SHCBP1L: variants seen among roughly 807,000 people sequenced by gnomAD.
SHCBP1L encodes testicular spindle-associated protein SHCBP1L.
In SHCBP1L, 67 loss-of-function variants were observed where a neutral mutation model predicts 62.5. That is an observed-to-expected ratio of 1.07 (90% CI 0.88 to 1.31). The LOEUF is 1.31. Ranked by LOEUF, SHCBP1L falls within the 40% of genes most tolerant of loss-of-function variation. The probability of loss-of-function intolerance (pLI) is 0.00; values close to 1 mark genes in which losing one functional copy is unlikely to be tolerated. For missense variants in SHCBP1L, 823 were observed against 809.8 expected (o/e 1.02, Z -0.20); for synonymous variants, 284 against 289.4 (o/e 0.98, Z 0.19).
chr1:182,925,170 T>C (rs999079995), intron 6 of SHCBP1L, among the ~76,000 whole-genome samples: 21 of 151,706 alleles, frequency 1.4e-4, no homozygotes, highest in African/African-American at 4.6e-4. Flanking sequence ...TTAACAGCAA[T>C]GACAGTGATC....
intron 6 of SHCBP1L, among the ~76,000 whole-genome samples, chr1:182,907,739 C>T (rs1408823654): frequency 2.6e-5 from 4 of 151,852 alleles, no homozygotes; most frequent in African/African-American, 7.2e-5. Context: ...CCACTGCACC[C>T]GGCTAATTTT....
At chr1:182,904,533 GC>G in intron 7 of SHCBP1L, 103 bp from the exon 8 acceptor site, 1 of 1,035,042 alleles carries the variant, frequency 9.7e-7, no homozygotes, top group Non-Finnish European at 1.4e-6. Context: ...TTCCCTGTGT[GC>G]GTGTGTGTGT....
At chr1:182,949,523 C>T (rs1441201456) in intron 2 of SHCBP1L, among the ~76,000 whole-genome samples, 1 of 151,794 alleles carries the variant, frequency 6.6e-6, no homozygotes, top group Non-Finnish European at 1.5e-5. Flanking sequence ...ATAGTGAAAT[C>T]CCGTTTTTAC....
At chr1:182,925,459 T>C (rs1432040733) in intron 6 of SHCBP1L, among the ~76,000 whole-genome samples, 1 of 152,146 alleles carries the variant, frequency 6.6e-6, no homozygotes, top group African/African-American at 2.4e-5. Flanking sequence ...TCATTAGTCA[T>C]TAGTTAAATG....
chr1:182,923,834 G>C (rs970025773), intron 6 of SHCBP1L, among the ~76,000 whole-genome samples: 1 of 152,056 alleles, frequency 6.6e-6, no homozygotes, highest in African/African-American at 2.4e-5. Context: ...ACAAGACAAC[G>C]ATACCCACTC....
intron 6 of SHCBP1L, among the ~76,000 whole-genome samples, chr1:182,929,062 G>A (rs1650874390): frequency 6.6e-6 from 1 of 152,124 alleles, no homozygotes; most frequent in African/African-American, 2.4e-5. Context: ...TTCAATGAGA[G>A]AGATTTGAAA....
chr1:182,904,203 C>T lies in SHCBP1L; in HGVS notation c.1564G>A (p.Asp522Asn), dbSNP rs779939923. Reference protein sequence around the residue: ...VLTGAALTITDSEITGAQGAG... With the variant: ...VLTGAALTITNSEITGAQGAG... ...ACCTGGGCGCCAGTTATTTCACTGT[C>T]TGTAATTGTCAAAGCAGCCCCTGTA... is the stretch of plus-strand genomic sequence containing the variant. Residue 522 changes from aspartate (D) to asparagine (N), a missense_variant, in exon 8 of 10, where the codon GAC becomes AAC. Asp to Asn is a conservative substitution (Grantham distance 23). Coordinates refer to ENST00000367547, the MANE Select transcript of SHCBP1L (RefSeq NM_030933.4). 3.1e-6 allele frequency: 5 copies of T among 1,614,022 alleles called. No individual in the cohort carries two copies. The highest frequency in any genetic ancestry group is 4.2e-6 in the Non-Finnish European group (5 of 1,180,040).
chr1:182,900,591 C>T (rs984250539), intron 9 of SHCBP1L, among the ~76,000 whole-genome samples: 3 of 152,158 alleles, frequency 2.0e-5, no homozygotes, highest in East Asian at 3.9e-4. Flanking sequence ...TGCCACCACA[C>T]CTGGCTAATT....
At chr1:182,935,979 A>G (rs1651152903) in intron 5 of SHCBP1L, among the ~76,000 whole-genome samples, 1 of 152,118 alleles carries the variant, frequency 6.6e-6, no homozygotes, top group Non-Finnish European at 1.5e-5. Context: ...TTTTTTATTT[A>G]GACCATTTAC....
At position 182,947,703 on chromosome 1, in the gene SHCBP1L, A is replaced by G. The variant is rs563193273; in HGVS notation, c.555+3615T>C. ...ATGATGATCTATTTCTATATAATGAATAGTAAATATATTTTTCTCTTCCTT... is the reference window on the plus strand; with the variant it reads ...ATGATGATCTATTTCTATATAATGAGTAGTAAATATATTTTTCTCTTCCTT... On this transcript the variant is annotated intron_variant, in intron 2 of 9. Coordinates refer to ENST00000367547, the MANE Select transcript of SHCBP1L (RefSeq NM_030933.4). 2.6e-5 allele frequency among the ~76,000 whole-genome samples: 4 copies of G among 152,282 alleles called. 1 individual carries two copies. The Middle Eastern group carries it at 0.014, about 518-fold the overall frequency.
rs2101951186 is a variant in SHCBP1L, at chr1:182,939,474, TTC to T, written c.848_849del (p.Arg283AsnfsTer2). The stretch of plus-strand genomic sequence containing the variant: ...TTTATAAACTATACTTACAAATTAA[TTC>T]TTTCTTCAATAAGTGCAGTATAATT... ...CENYTALIEE[R>X]INLWCDIQDG... On this transcript the variant is annotated frameshift_variant, in exon 4 of 10. Coordinates refer to ENST00000367547, the MANE Select transcript of SHCBP1L (RefSeq NM_030933.4). LOFTEE classifies it high-confidence loss of function. 1.2e-6 allele frequency: 2 copies of T among 1,604,804 alleles called. No homozygotes were observed. Among genetic ancestry groups the T allele is most frequent in the Non-Finnish European group, 1.7e-6 (2 of 1,176,094 alleles).
At chr1:182,942,214 G>A (rs1571357461) in intron 2 of SHCBP1L, 3 of 1,350,022 alleles carry the variant, frequency 2.2e-6, no homozygotes, top group East Asian at 4.6e-5. Context: ...TAGCCACTTC[G>A]GCCTGTTTTC....
At position 182,919,528 on chromosome 1, in the gene SHCBP1L, T is replaced by C. The variant is rs140604105; in HGVS notation, c.1182+10119A>G. ...GATTAAGTTTCCAAAACTTGAGTTT[T>C]GGAGTGGGGCAAAAACATCCAAACC... On this transcript the variant is annotated intron_variant, in intron 6 of 9. Coordinates refer to ENST00000367547, the MANE Select transcript of SHCBP1L (RefSeq NM_030933.4). Among the ~76,000 whole-genome samples, 106 of 152,316 alleles carry C rather than the reference T, an allele frequency of 7.0e-4. 1 individual carries two copies. Among genetic ancestry groups the C allele is most frequent in the African/African-American group, 2.4e-3 (98 of 41,568 alleles).
intron 6 of SHCBP1L, among the ~76,000 whole-genome samples, chr1:182,909,499 A>C (rs180991642): frequency 2.0e-5 from 3 of 152,320 alleles, no homozygotes; most frequent in African/African-American, 7.2e-5. Flanking sequence ...AAATCAGGAG[A>C]CTAGGATGTC....
chr1:182,946,730 A>AGGTCTTTTG (rs1222804335), intron 2 of SHCBP1L, among the ~76,000 whole-genome samples: 1 of 152,122 alleles, frequency 6.6e-6, no homozygotes, highest in African/African-American at 2.4e-5. Context: ...CATGAATGCT[A>AGGTCTTTTG]GGTCTTTTGT....
intron 2 of SHCBP1L, among the ~76,000 whole-genome samples, chr1:182,941,296 A>G (rs1179058189): frequency 2.6e-5 from 4 of 151,010 alleles, no homozygotes; most frequent in Non-Finnish European, 4.4e-5. Context: ...AAAGAGTAAA[A>G]TTCTTTTTTT....
intron 6 of SHCBP1L, among the ~76,000 whole-genome samples, chr1:182,922,727 C>T (rs1216585710): frequency 6.6e-6 from 1 of 151,890 alleles, no homozygotes; most frequent in Non-Finnish European, 1.5e-5. Flanking sequence ...TATAACATAC[C>T]AGAAACTCTG....
chr1:182,928,449 A>G (rs1338703556), intron 6 of SHCBP1L, among the ~76,000 whole-genome samples: 2 of 152,224 alleles, frequency 1.3e-5, no homozygotes, highest in Non-Finnish European at 2.9e-5. Flanking sequence ...AGGGAAAAAT[A>G]CAAGGTACTA....
chr1:182,952,480 C>A (rs764955914), intron 1 of SHCBP1L: 512 of 440,034 alleles, frequency 1.2e-3, no homozygotes, highest in Non-Finnish European at 1.7e-3. Flanking sequence ...TCAGAAAATT[C>A]TCTCTCAGGG....
Sources: gnomAD v4.1 joint callset for allele counts (sites outside exome capture counted in the v4.1 genomes callset) on GRCh38, gnomAD v4.1.1 for gene constraint, MANE v1.5 for transcripts, NCBI Gene and HGNC (gene_info 2026-07-23, HGNC 2026-07-21) for gene names.